EPHA5: variants seen among roughly 807,000 people sequenced by gnomAD.
EPHA5 encodes the protein EPH receptor A5, also known as ephrin type-A receptor 5.
EPHA5 carries 60 observed loss-of-function variants against 105.0 expected under a neutral mutation model. The ratio of observed to expected loss-of-function variants is 0.57; its 90% CI spans 0.46 to 0.71. The LOEUF (loss-of-function observed/expected upper bound fraction) is 0.71, where lower values mean the gene tolerates loss of function less well. Ranked by LOEUF, EPHA5 falls within the 30% of genes least tolerant of loss-of-function variation. The pLI is 0.00. For missense variants in EPHA5, 1,218 were observed against 1,274.7 expected (o/e 0.96, Z 0.68); for synonymous variants, 513 against 449.1 (o/e 1.14, Z -1.80).
Position 65,407,152 on chromosome 4 carries a change from T to C in EPHA5, c.1688-2673A>G, listed in dbSNP as rs144141522. Among the ~76,000 whole-genome samples, 230 of 152,230 alleles carry C rather than the reference T, an allele frequency of 1.5e-3. 4 individuals carry two copies. The highest frequency in any genetic ancestry group is 0.01 in the Middle Eastern group (3 of 292). On this transcript the variant is annotated intron_variant, in intron 7 of 16. Coordinates refer to ENST00000613740, the MANE Select transcript of EPHA5 (RefSeq NM_001281766.3). ...ATGATGTTTCCCTGATCAAAAACTT[T>C]AGAGAGTCCTACTACCTTTGGAAGA... is the stretch of plus-strand genomic sequence containing the variant.
intron 2 of EPHA5, among the ~76,000 whole-genome samples, chr4:65,634,932 T>C (rs1399294919): frequency 1.3e-5 from 2 of 152,044 alleles, no homozygotes; most frequent in Non-Finnish European, 2.9e-5. Flanking sequence ...CTTCTCCTTA[T>C]TCTTGCCTTT....
chr4:65,383,732 G>C (rs887914800), intron 8 of EPHA5, among the ~76,000 whole-genome samples: 1 of 151,672 alleles, frequency 6.6e-6, no homozygotes. Context: ...ATAAATCAGT[G>C]ACTCAGACAC....
At chr4:65,433,370 G>T (rs747345519) in intron 5 of EPHA5, among the ~76,000 whole-genome samples, 2 of 152,118 alleles carry the variant, frequency 1.3e-5, no homozygotes, top group Non-Finnish European at 2.9e-5. Context: ...GTGAAACAAA[G>T]TTGTAAGACC....
chr4:65,369,268 T>C (rs1577937448), intron 8 of EPHA5, among the ~76,000 whole-genome samples: 1 of 152,180 alleles, frequency 6.6e-6, no homozygotes, highest in South Asian at 2.1e-4. Context: ...ACTGAATTGA[T>C]GATTAAGTGT....
chr4:65,347,618 G>A (rs1451181), intron 14 of EPHA5, among the ~76,000 whole-genome samples: 81,405 of 151,942 alleles, frequency 0.54, 22,334 homozygotes, highest in East Asian at 0.8. Flanking sequence ...TTAAAGAAAC[G>A]TAGACTATTC....
At chr4:65,453,065 G>A (rs1460786007) in intron 5 of EPHA5, among the ~76,000 whole-genome samples, 1 of 152,070 alleles carries the variant, frequency 6.6e-6, no homozygotes, top group African/African-American at 2.4e-5. Flanking sequence ...ACACAGTTTG[G>A]CAAATATTTG....
chr4:65,348,058 T>G lies in EPHA5; in HGVS notation c.2591A>C (p.Gln864Pro), dbSNP rs1011255540. ...GERPYWEMTNQDVIKAVEEGY... is the reference protein window; with the variant it reads ...GERPYWEMTNPDVIKAVEEGY... ...AAAGAGTAGTTCCATACTCACATCT[T>G]GATTGGTCATCTCCCAGTAGGGTCT... The change falls in exon 14 of 17, where the codon CAA (glutamine) becomes CCA (proline). Residue 864 changes from glutamine (Q) to proline (P), a missense_variant. By Grantham distance (76) the Gln-to-Pro change is moderately conservative. Transcript: ENST00000613740. The G allele has an allele frequency of 9.3e-6, 15 of 1,605,014 alleles. No individual in the cohort carries two copies. The highest frequency in any genetic ancestry group is 1.3e-5 in the Non-Finnish European group (15 of 1,176,324).
chr4:65,459,344 C>A (rs1485055258), intron 5 of EPHA5, among the ~76,000 whole-genome samples: 3 of 151,820 alleles, frequency 2.0e-5, no homozygotes, highest in Admixed American at 2.0e-4. Flanking sequence ...AAAAGTTAAT[C>A]CAGCTTTATG....
At chr4:65,607,527 G>A (rs572984181) in intron 2 of EPHA5, among the ~76,000 whole-genome samples, 5 of 152,016 alleles carry the variant, frequency 3.3e-5, no homozygotes, top group South Asian at 2.1e-4. Context: ...CAAAGGATAC[G>A]AACAGACACT....
intron 3 of EPHA5, among the ~76,000 whole-genome samples, chr4:65,562,758 T>C (rs1455903519): frequency 1.3e-5 from 2 of 151,974 alleles, no homozygotes; most frequent in African/African-American, 4.8e-5. Context: ...TTTAAGAAAA[T>C]CTCAAAAGTC....
chr4:65,670,096 G>T lies in EPHA5; in HGVS notation c.-354C>A. 3.4e-6 allele frequency: 1 copy of T among 295,816 alleles called. No individual in the cohort carries two copies. The highest frequency in any genetic ancestry group is 6.2e-6 in the Non-Finnish European group (1 of 161,114). The allele number at this position is 295,816 out of a possible 1,614,324, so 18.3% of individuals were successfully genotyped here. A position where few individuals can be genotyped will look rare whatever the true frequency, so the allele number is the denominator to read the frequency against. ...AATTTTTAAATACCACTAGGGGAAA[G>T]GTGAAGGTTCTTTGCAGCCTTCAGT... On this transcript the variant is annotated 5_prime_UTR_variant, in exon 1 of 17. Coordinates refer to ENST00000613740, the MANE Select transcript of EPHA5 (RefSeq NM_001281766.3).
At chr4:65,578,707 A>G (rs1741312124) in intron 3 of EPHA5, among the ~76,000 whole-genome samples, 2 of 152,200 alleles carry the variant, frequency 1.3e-5, no homozygotes, top group Non-Finnish European at 2.9e-5. Context: ...CACTTTAGAA[A>G]ATATGTCTTT....
In EPHA5 at chr4:65,348,666, A is replaced by G. The variant is rs1334115298; in HGVS notation, c.2446-463T>C. On this transcript the variant is annotated intron_variant, in intron 13 of 16. Coordinates refer to ENST00000613740, the MANE Select transcript of EPHA5 (RefSeq NM_001281766.3). ...AAAAGCATAAACATTGGAGATATAT[A>G]TATATATATATATATATATATATAT... Among the ~76,000 whole-genome samples, 97 of 10,352 alleles carry G rather than the reference A, an allele frequency of 9.4e-3. 3 individuals are homozygous for G. The highest frequency in any genetic ancestry group is 0.034 in the Non-Finnish European group (65 of 1,912). The allele number at this position is 10,352 out of a possible 152,430, so 6.8% of individuals were successfully genotyped here.
intron 3 of EPHA5, among the ~76,000 whole-genome samples, chr4:65,598,204 T>A (rs1016064359): frequency 2.0e-5 from 3 of 152,110 alleles, no homozygotes; most frequent in African/African-American, 7.2e-5. Flanking sequence ...ATTCACTAAA[T>A]TGGCTTCTCT....
intron 1 of EPHA5, among the ~76,000 whole-genome samples, chr4:65,654,339 G>A (rs765737242): frequency 1.3e-5 from 2 of 151,464 alleles, no homozygotes; most frequent in South Asian, 2.1e-4. Flanking sequence ...CACAACGGAC[G>A]AGAAAGTCCA....
chr4:65,327,972 T>C (rs968425701), intron 16 of EPHA5, among the ~76,000 whole-genome samples: 3 of 151,206 alleles, frequency 2.0e-5, no homozygotes, highest in Admixed American at 6.6e-5. Flanking sequence ...TGCTGCCCTA[T>C]GTACAATAAT....
At chr4:65,635,582 C>T (rs1747046552) in intron 2 of EPHA5, among the ~76,000 whole-genome samples, 2 of 151,814 alleles carry the variant, frequency 1.3e-5, no homozygotes, top group Non-Finnish European at 2.9e-5. Flanking sequence ...TGTGATCTTA[C>T]ATAACAACAG....
chr4:65,536,130 T>C (rs935636768), intron 3 of EPHA5, among the ~76,000 whole-genome samples: 3 of 152,008 alleles, frequency 2.0e-5, no homozygotes, highest in African/African-American at 7.2e-5. Flanking sequence ...ATTGTTTGCA[T>C]TTAATGACTC....
chr4:65,332,911 CTATT>C (rs1406006989), intron 15 of EPHA5, among the ~76,000 whole-genome samples: 1 of 151,810 alleles, frequency 6.6e-6, no homozygotes, highest in Non-Finnish European at 1.5e-5. Flanking sequence ...AGTTAAGAAA[CTATT>C]TATTCTTTAT....
Sources: allele counts gnomAD v4.1 joint callset (sites outside exome capture counted in the v4.1 genomes callset), GRCh38; gene constraint gnomAD v4.1.1; transcripts MANE v1.5; gene names NCBI Gene and HGNC (gene_info 2026-07-23, HGNC 2026-07-21).